Variants in IFIT3 observed in about 807,000 individuals in gnomAD.
IFIT3 encodes interferon-induced protein with tetratricopeptide repeats 3.
Under a neutral mutation model 2.4 loss-of-function variants are expected in IFIT3, and 2 were observed. The ratio of observed to expected loss-of-function variants is 0.82; its 90% confidence interval spans 0.34 to 2.60. The LOEUF (loss-of-function observed/expected upper bound fraction) is 2.60, where lower values mean the gene tolerates loss of function less well. Among genes scored for constraint, IFIT3 ranks in the 30% most tolerant of loss-of-function variants. The probability of loss-of-function intolerance (pLI) is 0.11; values close to 1 mark genes in which losing one functional copy is unlikely to be tolerated. For missense variants in IFIT3, 481 were observed against 562.4 expected (o/e 0.86, Z 1.46); for synonymous variants, 203 against 212.1 (o/e 0.96, Z 0.37).
intron 1 of IFIT3, among the ~76,000 whole-genome samples, chr10:89,330,501 G>A (rs909374261): frequency 5.9e-5 from 9 of 152,212 alleles, no homozygotes; most frequent in Non-Finnish European, 1.5e-5. Flanking sequence ...GTAAGGGCCA[G>A]CCTTTGATGG....
intron 1 of IFIT3, among the ~76,000 whole-genome samples, chr10:89,329,970 G>T (rs1564787507): frequency 6.6e-6 from 1 of 152,168 alleles, no homozygotes; most frequent in Non-Finnish European, 1.5e-5. Flanking sequence ...AGGTGTGGGG[G>T]TCACAAGGTG....
intron 1 of IFIT3, among the ~76,000 whole-genome samples, chr10:89,337,272 T>C (rs554234882): frequency 1.3e-5 from 2 of 152,346 alleles, no homozygotes; most frequent in South Asian, 4.1e-4. Context: ...CTATTTTTCT[T>C]AGTATCCATA....
At chr10:89,332,622 CA>C in intron 1 of IFIT3, 1 of 1,614,086 alleles carries the variant, frequency 6.2e-7, no homozygotes, top group Non-Finnish European at 8.5e-7. Context: ...AAACAGCCAT[CA>C]TGAGGTAAAT....
At chr10:89,338,433 GA>G in intron 1 of IFIT3, 1 of 515,344 alleles carries the variant, frequency 1.9e-6, no homozygotes, top group Non-Finnish European at 3.5e-6. Flanking sequence ...GCCCTCAACA[GA>G]ATGGATAATG....
At chr10:89,332,396 T>C (rs1281981222) in intron 1 of IFIT3, 3 of 1,045,186 alleles carry the variant, frequency 2.9e-6, no homozygotes, top group Non-Finnish European at 3.9e-6. Context: ...GTCTGGAACA[T>C]GTTCCTGGCG....
chr10:89,338,701 C>A lies in IFIT3; in HGVS notation c.46C>A (p.Leu16Met), dbSNP rs1265559616. The change falls in exon 2 of 2, where the codon CTG becomes ATG. Residue 16 changes from leucine to methionine, a missense_variant. Transcript: ENST00000371818. Reference sequence around the variant, plus strand: ...TTCCCTGGAGAAAATCCTTCCACAGCTGAAATGCCATTTCACCTGGAACTT... The same window carrying A: ...TTCCCTGGAGAAAATCCTTCCACAGATGAAATGCCATTTCACCTGGAACTT... ...KNSLEKILPQ[L>M]KCHFTWNLFK... is the part of the protein sequence containing the mutation. The A allele has an allele frequency of 6.2e-7, 1 of 1,613,544 alleles. No homozygotes were observed. The highest frequency in any genetic ancestry group is 8.5e-7 in the Non-Finnish European group (1 of 1,179,554).
intron 1 of IFIT3, chr10:89,332,452 G>A: frequency 1.4e-6 from 2 of 1,461,538 alleles, no homozygotes; most frequent in Non-Finnish European, 1.8e-6. Context: ...TTCCCCTCAA[G>A]AGGGATCTTG....
rs762507604 is a variant in IFIT3 at position 89,328,069 on chromosome 10, C to A, written c.-5C>A. The A allele has an allele frequency of 3.2e-5, 51 of 1,613,742 alleles. No individual in the cohort carries two copies. The highest frequency in any genetic ancestry group is 4.2e-5 in the Non-Finnish European group (50 of 1,179,798). On this transcript the variant is annotated 5_prime_UTR_variant, in exon 1 of 2. Coordinates refer to ENST00000371818, the MANE Select transcript of IFIT3 (RefSeq NM_001549.6). ...TTCGGAACAGCAGAGACACAGAGGG[C>A]AGTCATGAGGTCAGTGAAATAAGAA...
Position 89,339,638 on chromosome 10 carries a change from C to T in IFIT3, c.983C>T (p.Pro328Leu), listed in dbSNP as rs2133570799. Residue 328 changes from proline to leucine, a missense_variant, in exon 2 of 2, where the codon CCT becomes CTT. Coordinates refer to ENST00000371818, the MANE Select transcript of IFIT3 (RefSeq NM_001549.6). The part of the protein sequence containing the change: ...SNKALEKGLN[P>L]LNAYSDLAEF... ...AAAGCTCTTGAGAAGGGACTGAATC[C>T]TCTGAATGCATACTCCGATCTCGCT... is the stretch of plus-strand genomic sequence containing the variant. 1 of 1,614,174 alleles carries T rather than the reference C, an allele frequency of 6.2e-7. No individual in the cohort carries two copies. Among genetic ancestry groups the T allele is most frequent in the Non-Finnish European group, 8.5e-7 (1 of 1,180,024 alleles).
chr10:89,329,722 C>A (rs925882057), intron 1 of IFIT3, among the ~76,000 whole-genome samples: 3 of 152,118 alleles, frequency 2.0e-5, no homozygotes, highest in Non-Finnish European at 4.4e-5. Flanking sequence ...ATATTAGTAC[C>A]AGCAATCATG....
chr10:89,329,310 T>A (rs926259852), intron 1 of IFIT3, among the ~76,000 whole-genome samples: 6 of 152,194 alleles, frequency 3.9e-5, no homozygotes, highest in Non-Finnish European at 7.3e-5. Flanking sequence ...TACCCTTTTA[T>A]ATAGAATAAG....
chr10:89,330,356 G>A (rs1475754899), intron 1 of IFIT3, among the ~76,000 whole-genome samples: 2 of 152,238 alleles, frequency 1.3e-5, no homozygotes, highest in African/African-American at 4.8e-5. Context: ...TCAGAGCAGA[G>A]TCATTAATGG....
At chr10:89,334,478 C>CTTTTTTTTTTTTTTTTTTTTTT (rs578154457) in intron 1 of IFIT3, among the ~76,000 whole-genome samples, 5 of 25,312 alleles carry the variant, frequency 2.0e-4, no homozygotes, top group Non-Finnish European at 3.5e-4. Context: ...TTCTTTTATT[C>CTTTTTTTTTTTTTTTTTTTTTT]TTTTTTTTTT....
chr10:89,332,633 T>C (rs1843667166), intron 1 of IFIT3: 1 of 1,613,818 alleles, frequency 6.2e-7, no homozygotes, highest in Non-Finnish European at 8.5e-7. Context: ...ATGAGGTAAA[T>C]AGTCCCTGCT....
chr10:89,340,200 G>A lies in IFIT3; in HGVS notation c.*72G>A. 1 of 1,482,318 alleles carries A rather than the reference G, an allele frequency of 6.7e-7. No homozygotes were observed. Among genetic ancestry groups the A allele is most frequent in the East Asian group, 2.3e-5 (1 of 43,200 alleles). 91.8% of individuals were successfully genotyped at this position (1,482,318 alleles called of 1,614,324 possible). A position where few individuals can be genotyped will look rare whatever the true frequency, so the allele number is the denominator to read the frequency against. On this transcript the variant is annotated 3_prime_UTR_variant, in exon 2 of 2. Transcript: ENST00000371818. ...GACGGGTAGGACGATAGGAAGACAG[G>A]GGGCCCCAACCTGGGATTGCTGAGC...
chr10:89,330,642 A>T (rs544621147), intron 1 of IFIT3, among the ~76,000 whole-genome samples: 6 of 152,318 alleles, frequency 3.9e-5, no homozygotes, highest in Admixed American at 6.5e-5. Flanking sequence ...ATCCTAGGGC[A>T]TTTTAAGGAT....
In IFIT3 at chr10:89,339,506, G is replaced by A. The variant is rs771432027; in HGVS notation, c.851G>A (p.Cys284Tyr). 6.2e-7 allele frequency: 1 copy of A among 1,614,180 alleles called. No individual in the cohort carries two copies. The highest frequency in any genetic ancestry group is 8.5e-7 in the Non-Finnish European group (1 of 1,180,012). ...NGYLYHQIGC[C>Y]YKAKVRQMQN... is the part of the protein sequence containing the mutation. ...TACCTCTATCACCAGATTGGGTGCT[G>A]CTACAAGGCAAAAGTAAGACAAATG... Residue 284 changes from cysteine (C) to tyrosine (Y), a missense_variant, in exon 2 of 2, where the codon TGC (cysteine) becomes TAC (tyrosine). Cys to Tyr is a radical substitution (Grantham distance 194, BLOSUM62 -2). Coordinates refer to ENST00000371818, the MANE Select transcript of IFIT3 (RefSeq NM_001549.6).
At position 89,339,964 on chromosome 10, in the gene IFIT3, T is replaced by G. The variant is rs763750912; in HGVS notation, c.1309T>G (p.Cys437Gly). The change falls in exon 2 of 2, where the codon TGT becomes GGT. Residue 437 changes from cysteine to glycine, a missense_variant. By Grantham distance (159) the Cys-to-Gly change is radical. Coordinates refer to ENST00000371818, the MANE Select transcript of IFIT3 (RefSeq NM_001549.6). ...QNGDLLQAAK[C>G]YEKELGRLLR... ...TGGAGATCTGCTGCAAGCAGCCAAA[T>G]GTTATGAGAAGGAACTGGGCCGCCT... 5 of 1,614,194 alleles carry G rather than the reference T, an allele frequency of 3.1e-6. No homozygotes were observed. The East Asian group carries it at 1.1e-4, about 36-fold the overall frequency.
chr10:89,339,836 A>G lies in IFIT3; in HGVS notation c.1181A>G (p.Asp394Gly), dbSNP rs34407818. ...EGLSISKKST[D>G]KEEIKDQPQN... is the part of the protein sequence containing the mutation. Reference sequence around the variant, plus strand: ...TTGTCCATAAGCAAAAAATCAACTGACAAGGAAGAGATCAAAGACCAACCA... The same window carrying G: ...TTGTCCATAAGCAAAAAATCAACTGGCAAGGAAGAGATCAAAGACCAACCA... The change falls in exon 2 of 2, where the codon GAC (aspartate) becomes GGC (glycine). Residue 394 changes from aspartate to glycine, a missense_variant. Coordinates refer to ENST00000371818, the MANE Select transcript of IFIT3 (RefSeq NM_001549.6). 13,687 of 1,614,196 alleles carry G rather than the reference A, an allele frequency of 8.5e-3. 808 individuals are homozygous for G. In the African/African-American group the frequency reaches 0.14, roughly 17 times the overall value.
Sources: allele counts gnomAD v4.1 joint callset (sites outside exome capture counted in the v4.1 genomes callset), GRCh38; gene constraint gnomAD v4.1.1; transcripts MANE v1.5; gene names NCBI Gene and HGNC (gene_info 2026-07-23, HGNC 2026-07-21).